PRKN: variants seen among roughly 807,000 people sequenced by gnomAD.
PRKN encodes E3 ubiquitin-protein ligase parkin.
Under a neutral mutation model 59.5 loss-of-function variants are expected in PRKN, and 56 were observed. The ratio of observed to expected loss-of-function variants is 0.94; its 90% confidence interval spans 0.76 to 1.18. The LOEUF is 1.18. Ranked by LOEUF, PRKN falls within the 50% of genes most tolerant of loss-of-function variation. PRKN has a pLI of 0.00. For synonymous variants in PRKN, 250 were observed against 222.1 expected, an observed-to-expected ratio of 1.13 and a Z score of -1.12; for missense variants, 657 against 596.4, an observed-to-expected ratio of 1.10 and a Z score of -1.06.
chr6:162,381,361 AT>A (rs778021001), intron 2 of PRKN, among the ~76,000 whole-genome samples: 13 of 151,816 alleles, frequency 8.6e-5, no homozygotes, highest in Non-Finnish European at 1.9e-4. Context: ...CTGTATCCTA[AT>A]TTTCCCCACT....
At chr6:162,385,323 C>A (rs1472913477) in intron 2 of PRKN, among the ~76,000 whole-genome samples, 1 of 152,108 alleles carries the variant, frequency 6.6e-6, no homozygotes, top group Non-Finnish European at 1.5e-5. Flanking sequence ...AAAAGAGAAC[C>A]ATTTAACAGC....
At chr6:161,801,782 T>A (rs1315789446) in intron 6 of PRKN, among the ~76,000 whole-genome samples, 1 of 152,140 alleles carries the variant, frequency 6.6e-6, no homozygotes, top group Non-Finnish European at 1.5e-5. Context: ...GGAAGGCCTG[T>A]GCAACTGCGT....
chr6:162,111,631 G>T lies in PRKN; in HGVS notation c.535-57457C>A, dbSNP rs148482828. On this transcript the variant is annotated intron_variant, in intron 4 of 11. Transcript: ENST00000366898. ...GAGAAGGAAGGCAAGTGGGTCAAAA[G>T]ATAAAGAAATGGTGCATAGAGTAAA... 4.1e-4 allele frequency among the ~76,000 whole-genome samples: 62 copies of T among 151,838 alleles called. 3 individuals are homozygous for T. Among genetic ancestry groups the T allele is most frequent in the African/African-American group, 1.5e-3 (61 of 41,384 alleles).
intron 1 of PRKN, among the ~76,000 whole-genome samples, chr6:162,551,457 ATTG>A (rs1415675176): frequency 2.0e-5 from 3 of 152,218 alleles, no homozygotes; most frequent in East Asian, 1.9e-4. Flanking sequence ...TTCTTAGAGA[ATTG>A]TTGTCAGTCT....
chr6:162,255,289 CT>C, intron 3 of PRKN, among the ~76,000 whole-genome samples: 1 of 151,990 alleles, frequency 6.6e-6, no homozygotes, highest in Non-Finnish European at 1.5e-5. Flanking sequence ...TACATGTGAA[CT>C]AGAAAGCAAA....
At chr6:162,098,878 A>G (rs532282111) in intron 4 of PRKN, among the ~76,000 whole-genome samples, 2 of 152,296 alleles carry the variant, frequency 1.3e-5, no homozygotes, top group South Asian at 2.1e-4. Flanking sequence ...TAAAGCAGCA[A>G]GTGAAGAGGG....
At chr6:162,263,621 G>A (rs1411976520) in intron 2 of PRKN, among the ~76,000 whole-genome samples, 1 of 152,128 alleles carries the variant, frequency 6.6e-6, no homozygotes, top group Non-Finnish European at 1.5e-5. Context: ...GCTAGCACAA[G>A]AACTAGGCTA....
rs187611574 is a variant in PRKN at position 162,421,343 on chromosome 6, G to A, written c.171+21967C>T. On this transcript the variant is annotated intron_variant, in intron 2 of 11. Transcript: ENST00000366898. ...ATTTTTATTATCCCTGTCTTCTCAA[G>A]TAAAGAATCTAGGCTGTTAAGAACA... 1.9e-4 allele frequency among the ~76,000 whole-genome samples: 29 copies of A among 152,274 alleles called. 1 individual carries two copies. Among genetic ancestry groups the A allele is most frequent in the Admixed American group, 1.5e-3 (23 of 15,288 alleles).
Position 161,592,678 on chromosome 6 carries a change from G to A in PRKN, c.872-23262C>T, listed in dbSNP as rs146382814. On this transcript the variant is annotated intron_variant, in intron 7 of 11. Coordinates refer to ENST00000366898, the MANE Select transcript of PRKN (RefSeq NM_004562.3). The surrounding 1 kb of genome is among the most constrained non-coding windows in gnomAD (Gnocchi z 4.8). ...AAGCAGGGAAACTGTTGGAGGGAGA[G>A]GGAGGATCTGGAACATCAGCAAAGT... is the stretch of plus-strand genomic sequence containing the variant. Among the ~76,000 whole-genome samples, 8 of 152,250 alleles carry A rather than the reference G, an allele frequency of 5.3e-5. No homozygotes were observed. The highest frequency in any genetic ancestry group is 1.9e-4 in the African/African-American group (8 of 41,552).
At chr6:162,201,464 G>A (rs1354656551) in intron 3 of PRKN, among the ~76,000 whole-genome samples, 1 of 152,036 alleles carries the variant, frequency 6.6e-6, no homozygotes, top group Non-Finnish European at 1.5e-5. Context: ...TCTCTCTCTT[G>A]CCAACAGCCC....
At chr6:162,486,293 CA>C (rs1476652083) in intron 1 of PRKN, among the ~76,000 whole-genome samples, 54 of 152,044 alleles carry the variant, frequency 3.6e-4, no homozygotes, top group African/African-American at 1.2e-3. Flanking sequence ...GCTGTTTAAG[CA>C]AAAATGGTAT....
intron 9 of PRKN, among the ~76,000 whole-genome samples, chr6:161,542,904 A>G (rs1317566747): frequency 6.6e-6 from 1 of 152,234 alleles, no homozygotes; most frequent in Non-Finnish European, 1.5e-5. Flanking sequence ...TCTTAAAAAA[A>G]CTCAATATGG....
At position 161,875,111 on chromosome 6, in the gene PRKN, TTA is replaced by T. The variant is rs1389340070; in HGVS notation, c.735-89205_735-89204del. ...ATATATTATATATAAAGTATATATATTATATATAAAGTATATATTATATATAA... is the reference window on the plus strand; with the variant it reads ...ATATATTATATATAAAGTATATATATTATATAAAGTATATATTATATATAA... On this transcript the variant is annotated intron_variant, in intron 6 of 11. Transcript: ENST00000366898. Among the ~76,000 whole-genome samples the T allele has an allele frequency of 1.6e-5, 2 of 126,996 alleles. 1 individual carries two copies. Among genetic ancestry groups the T allele is most frequent in the African/African-American group, 7.0e-5 (2 of 28,522 alleles). The allele number at this position is 126,996 out of a possible 152,430, so 83.3% of individuals were successfully genotyped here. A position where few individuals can be genotyped will look rare whatever the true frequency, so the allele number is the denominator to read the frequency against.
intron 4 of PRKN, among the ~76,000 whole-genome samples, chr6:162,122,604 A>G (rs1458577541): frequency 1.3e-5 from 2 of 152,096 alleles, no homozygotes; most frequent in Non-Finnish European, 2.9e-5. Flanking sequence ...TTTTTCTCAT[A>G]TTATCAAGTC....
At chr6:161,829,849 CAAAAAAAAAAAA>C (rs11457054) in intron 6 of PRKN, among the ~76,000 whole-genome samples, 1 of 86,426 alleles carries the variant, frequency 1.2e-5, no homozygotes, top group Non-Finnish European at 2.8e-5. Context: ...CACTAAATGC[CAAAAAAAAAAAA>C]AAAAAAAATG....
At chr6:162,552,281 T>C (rs967492436) in intron 1 of PRKN, among the ~76,000 whole-genome samples, 24 of 152,014 alleles carry the variant, frequency 1.6e-4, no homozygotes, top group African/African-American at 5.6e-4. Context: ...AAGTGCAATG[T>C]AGGGGGAAAA....
chr6:162,435,264 T>C (rs997550345), intron 2 of PRKN, among the ~76,000 whole-genome samples: 3 of 152,142 alleles, frequency 2.0e-5, no homozygotes, highest in South Asian at 2.1e-4. Context: ...GTAATCACAA[T>C]GGAAACATCT....
chr6:162,510,161 C>T (rs532456307), intron 1 of PRKN, among the ~76,000 whole-genome samples: 9 of 152,280 alleles, frequency 5.9e-5, no homozygotes, highest in African/African-American at 9.6e-5. Flanking sequence ...CACCCAACAC[C>T]GACACCTCTA....
intron 2 of PRKN, among the ~76,000 whole-genome samples, chr6:162,316,972 G>A (rs1782778261): frequency 6.6e-6 from 1 of 152,088 alleles, no homozygotes; most frequent in African/African-American, 2.4e-5. Flanking sequence ...GTAAAAAAAA[G>A]AGGGAATTGA....
Sources: gnomAD v4.1 joint callset for allele counts (sites outside exome capture counted in the v4.1 genomes callset) on GRCh38, gnomAD v4.1.1 for gene constraint, Gnocchi (gnomAD v3.1) non-coding constraint, MANE v1.5 for transcripts, NCBI Gene and HGNC (gene_info 2026-07-23, HGNC 2026-07-21) for gene names.